MED12L: variants seen among roughly 807,000 people sequenced by gnomAD.
MED12L encodes the protein mediator complex subunit 12L.
In MED12L, 60 loss-of-function variants were observed where a neutral mutation model predicts 281.3. The ratio of observed to expected loss-of-function variants is 0.21; its 90% CI spans 0.17 to 0.26. The LOEUF (loss-of-function observed/expected upper bound fraction) is 0.26, where lower values mean the gene tolerates loss of function less well. Ranked by LOEUF, MED12L falls within the 10% of genes least tolerant of loss-of-function variation. The pLI is 1.00. For synonymous variants in MED12L, 974 were observed against 987.2 expected (o/e 0.99, Z 0.25); for missense variants, 2,146 against 2,680.9 (o/e 0.80, Z 4.41).
intron 16 of MED12L, among the ~76,000 whole-genome samples, chr3:151,245,460 T>C: frequency 7.2e-6 from 1 of 139,824 alleles, no homozygotes. Flanking sequence ...CAAGGCTGGT[T>C]CAATATACAC....
chr3:151,230,377 A>G (rs1731412523), intron 16 of MED12L, among the ~76,000 whole-genome samples: 1 of 152,220 alleles, frequency 6.6e-6, no homozygotes, highest in Non-Finnish European at 1.5e-5. Flanking sequence ...CAGTGTAAGA[A>G]AATAGTCTTA....
intron 16 of MED12L, chr3:151,199,376 CTGTT>C: frequency 6.2e-7 from 1 of 1,607,388 alleles, no homozygotes; most frequent in Admixed American, 1.7e-5. Flanking sequence ...GAAGAACGAA[CTGTT>C]TGTCATCTTG....
rs756998931 is a variant in MED12L at position 151,357,183 on chromosome 3, A to G, written c.2662-30A>G. 2.9e-5 allele frequency: 45 copies of G among 1,538,430 alleles called. No individual in the cohort carries two copies. The South Asian group carries it at 3.5e-4, about 12-fold the overall frequency. ...TTTCTCTATTTGTTTTGGCACCTAC[A>G]TGTTTATTCAGTCTTTTCTCCTGTT... On this transcript the variant is annotated intron_variant, in intron 19 of 44. Coordinates refer to ENST00000687756, the MANE Select transcript of MED12L (RefSeq NM_001393769.1).
intron 9 of MED12L, among the ~76,000 whole-genome samples, 156 bp from the exon 10 acceptor site, chr3:151,165,261 TAAA>T (rs562462027): frequency 1.1e-3 from 173 of 152,348 alleles, no homozygotes; most frequent in African/African-American, 4.0e-3. Flanking sequence ...TTGTAAATTT[TAAA>T]AATTCACTTA....
chr3:151,406,238 C>G (rs1319743956), intron 39 of MED12L, among the ~76,000 whole-genome samples: 1 of 152,146 alleles, frequency 6.6e-6, no homozygotes, highest in Admixed American at 6.5e-5. Context: ...CTCTAGTTTC[C>G]TTTATTATTC....
At chr3:151,252,935 T>C (rs1032299177) in intron 16 of MED12L, among the ~76,000 whole-genome samples, 7 of 152,184 alleles carry the variant, frequency 4.6e-5, no homozygotes, top group Non-Finnish European at 1.0e-4. Flanking sequence ...TGTACTACAT[T>C]AAAATGACAT....
Position 151,436,208 on chromosome 3 carries a change from T to C in MED12L, c.*3404T>C, listed in dbSNP as rs1341047162. On this transcript the variant is annotated 3_prime_UTR_variant, in exon 45 of 45. Coordinates refer to ENST00000687756, the MANE Select transcript of MED12L (RefSeq NM_001393769.1). ...ATAAGACAGTTCAGTGCTTATTTTCTGTAGGTTTTAGCAAAAAAATTTATA... is the reference window on the plus strand; with the variant it reads ...ATAAGACAGTTCAGTGCTTATTTTCCGTAGGTTTTAGCAAAAAAATTTATA... 6.5e-6 allele frequency: 1 copy of C among 153,934 alleles called. No individual in the cohort carries two copies. Among genetic ancestry groups the C allele is most frequent in the African/African-American group, 2.4e-5 (1 of 41,422 alleles). The allele number at this position is 153,934 out of a possible 1,614,324, so 9.5% of individuals were successfully genotyped here. A position where few individuals can be genotyped will look rare whatever the true frequency, so the allele number is the denominator to read the frequency against.
chr3:151,329,533 T>C, intron 16 of MED12L: 1 of 1,544,742 alleles, frequency 6.5e-7, no homozygotes, highest in Non-Finnish European at 8.8e-7. Flanking sequence ...AGTCATTAGT[T>C]CAGCCTACAA....
intron 16 of MED12L, chr3:151,198,124 C>A: frequency 4.9e-6 from 1 of 205,236 alleles, no homozygotes; most frequent in Non-Finnish European, 9.8e-6. Context: ...TCATGAATAC[C>A]TTTGGGTCTA....
intron 16 of MED12L, among the ~76,000 whole-genome samples, chr3:151,277,395 T>C (rs1028195159): frequency 6.6e-6 from 1 of 152,258 alleles, no homozygotes; most frequent in African/African-American, 2.4e-5. Flanking sequence ...TGCATTGTTT[T>C]CTTTTTAACT....
At chr3:151,238,655 T>C (rs529867873) in intron 16 of MED12L, among the ~76,000 whole-genome samples, 1 of 151,632 alleles carries the variant, frequency 6.6e-6, no homozygotes, top group African/African-American at 2.4e-5. Flanking sequence ...ACTCAACTGT[T>C]CATTGCATTT....
At chr3:151,198,948 C>T in intron 16 of MED12L, 1 of 1,613,928 alleles carries the variant, frequency 6.2e-7, no homozygotes, top group Non-Finnish European at 8.5e-7. Flanking sequence ...ATATTTGGCA[C>T]CATTATAAGA....
chr3:151,214,566 C>T (rs138902645), intron 16 of MED12L, among the ~76,000 whole-genome samples: 2 of 148,528 alleles, frequency 1.3e-5, no homozygotes, highest in African/African-American at 5.0e-5. Flanking sequence ...CCTTTACCCA[C>T]CAACCCCCAC....
intron 5 of MED12L, among the ~76,000 whole-genome samples, chr3:151,135,366 G>A (rs924502991): frequency 2.6e-5 from 4 of 152,204 alleles, no homozygotes; most frequent in Non-Finnish European, 4.4e-5. Context: ...AAAGTGTTTA[G>A]AACAGTGACT....
At chr3:151,368,109 A>G (rs1180741615) in intron 24 of MED12L, 41 bp from the exon 25 acceptor site, 1 of 1,488,442 alleles carries the variant, frequency 6.7e-7, no homozygotes, top group Admixed American at 1.7e-5. Context: ...CTTGTTCCCA[A>G]GTGTGTTAGA....
At chr3:151,243,301 A>G (rs944739245) in intron 16 of MED12L, among the ~76,000 whole-genome samples, 1 of 151,582 alleles carries the variant, frequency 6.6e-6, no homozygotes, top group Non-Finnish European at 1.5e-5. Context: ...AGCAACTCCA[A>G]GACACATAAT....
chr3:151,366,123 C>A, intron 23 of MED12L, 132 bp downstream of exon 23: 1 of 750,374 alleles, frequency 1.3e-6, no homozygotes, highest in Non-Finnish European at 1.9e-6. Context: ...TTTCTCTGTC[C>A]AAAAGCAGTA....
chr3:151,342,380 G>C (rs1327254984), intron 16 of MED12L, among the ~76,000 whole-genome samples: 1 of 152,142 alleles, frequency 6.6e-6, no homozygotes, highest in Non-Finnish European at 1.5e-5. Context: ...TTTCTTCTGC[G>C]TTTTGAGTAT....
intron 16 of MED12L, among the ~76,000 whole-genome samples, chr3:151,280,995 T>G (rs1489919475): frequency 2.6e-5 from 4 of 152,170 alleles, no homozygotes; most frequent in Non-Finnish European, 5.9e-5. Context: ...ACAGTTTAGC[T>G]TGTACACATT....
Sources: gnomAD v4.1 joint callset for allele counts (sites outside exome capture counted in the v4.1 genomes callset) on GRCh38, gnomAD v4.1.1 for gene constraint, MANE v1.5 for transcripts, NCBI Gene and HGNC (gene_info 2026-07-23, HGNC 2026-07-21) for gene names.